The following RSF1 variants were observed in gnomAD, a reference collection of about 807,000 sequenced individuals.
RSF1 encodes remodeling and spacing factor 1.
RSF1 carries 13 observed loss-of-function variants against 145.2 expected under a neutral mutation model. The observed-to-expected ratio is 0.09, with a 90% confidence interval of 0.06 to 0.14. The LOEUF is 0.14. Among genes scored for constraint, RSF1 ranks in the 10% least tolerant of loss-of-function variants. RSF1 has a pLI of 1.00. For synonymous variants in RSF1, 577 were observed against 592.6 expected, an observed-to-expected ratio of 0.97 and a Z score of 0.38; for missense variants, 1,517 against 1,718.2, an observed-to-expected ratio of 0.88 and a Z score of 2.07.
chr11:77,858,410 A>C, the RSF1 span, among the ~76,000 whole-genome samples: 1 of 147,890 alleles, frequency 6.8e-6, no homozygotes, highest in Non-Finnish European at 1.5e-5. Context: ...TGCCGGCTCG[A>C]ATGCCTGCTG....
chr11:77,701,543 A>C lies in RSF1; in HGVS notation c.1686T>G (p.Cys562Trp). 6.8e-6 allele frequency: 11 copies of C among 1,614,070 alleles called. No individual in the cohort carries two copies. The highest frequency in any genetic ancestry group is 9.3e-6 in the Non-Finnish European group (11 of 1,179,992). ...GAGACTTCTCTTCACCTTTCATGGT[A>C]CACGACTCGGTGGAAGATAAAGCAG... ...SKTALSSTES[C>W]TMKGEEKSPK... The change falls in exon 6 of 16, where the codon TGT becomes TGG. Residue 562 changes from cysteine (C) to tryptophan (W), a missense_variant. Transcript: ENST00000308488.
chr11:77,730,413 CAT>C (rs1457283207), intron 4 of RSF1, among the ~76,000 whole-genome samples: 5 of 152,098 alleles, frequency 3.3e-5, no homozygotes, highest in African/African-American at 1.2e-4. Context: ...GTAAAATAAA[CAT>C]ATTTTAAGCA....
the RSF1 span, among the ~76,000 whole-genome samples, chr11:77,829,430 G>A: frequency 6.6e-6 from 1 of 152,218 alleles, no homozygotes; most frequent in Admixed American, 6.5e-5. Context: ...CAATGGAACA[G>A]AATGGAGACT....
the RSF1 span, among the ~76,000 whole-genome samples, chr11:77,836,764 G>A: frequency 1.3e-5 from 2 of 152,162 alleles, no homozygotes; most frequent in Non-Finnish European, 2.9e-5. Context: ...CTGGGAGTTC[G>A]AGACCAGCCT....
chr11:77,821,953 G>A (rs965408892), upstream of RSF1, among the ~76,000 whole-genome samples: 1 of 151,682 alleles, frequency 6.6e-6, no homozygotes, highest in African/African-American at 2.4e-5. Context: ...TACATCATAC[G>A]GTATTACTAG....
chr11:77,827,032 G>A, the RSF1 span, among the ~76,000 whole-genome samples: 753 of 152,214 alleles, frequency 4.9e-3, 4 homozygotes, highest in South Asian at 6.0e-3. Context: ...TTGAACCCAG[G>A]AGGCAGAGGT....
chr11:77,672,032 T>TA lies in RSF1; in HGVS notation c.3751+9dup, dbSNP rs777353129. On this transcript the variant is annotated intron_variant, in intron 15 of 15. Transcript: ENST00000308488. ...TCCAAACTTCTATATATAGGAGACCTATGCCTTACCTTCACTCTCTGAGCT... is the reference window on the plus strand; with the variant it reads ...TCCAAACTTCTATATATAGGAGACCTAATGCCTTACCTTCACTCTCTGAGCT... 6.2e-7 allele frequency: 1 copy of TA among 1,605,946 alleles called. No homozygotes were observed. The highest frequency in any genetic ancestry group is 8.5e-7 in the Non-Finnish European group (1 of 1,177,596).
intron 9 of RSF1, among the ~76,000 whole-genome samples, chr11:77,690,161 C>CAAAAAAAAAAAAA (rs112481534): frequency 2.3e-5 from 2 of 88,520 alleles, no homozygotes; most frequent in Admixed American, 1.1e-4. Context: ...GACTCCATCT[C>CAAAAAAAAAAAAA]AAAAAAAAAA....
intron 2 of RSF1, among the ~76,000 whole-genome samples, chr11:77,752,349 G>A (rs915509037): frequency 1.3e-5 from 2 of 152,134 alleles, no homozygotes; most frequent in Non-Finnish European, 2.9e-5. Context: ...AAGAAAGGGG[G>A]AACATGGCAC....
chr11:77,749,162 T>C (rs936246737), intron 2 of RSF1, among the ~76,000 whole-genome samples: 2 of 152,068 alleles, frequency 1.3e-5, no homozygotes, highest in Non-Finnish European at 2.9e-5. Flanking sequence ...AAGGAAGGAA[T>C]GGGAAGTGAC....
chr11:77,700,027 A>T (rs939085190), intron 6 of RSF1, among the ~76,000 whole-genome samples: 6 of 152,150 alleles, frequency 3.9e-5, no homozygotes, highest in Non-Finnish European at 7.4e-5. Context: ...TAAATAAGTA[A>T]ATATTTATGA....
chr11:77,844,670 T>C, the RSF1 span, among the ~76,000 whole-genome samples: 1 of 152,194 alleles, frequency 6.6e-6, no homozygotes, highest in Admixed American at 6.5e-5. Flanking sequence ...CCAGATTTTG[T>C]TGAATACACG....
At chr11:77,676,485 G>A (rs370181631) in intron 13 of RSF1, among the ~76,000 whole-genome samples, 17 of 152,096 alleles carry the variant, frequency 1.1e-4, no homozygotes, top group Admixed American at 5.2e-4. Context: ...AACCCCTCAT[G>A]GACCTGGCAG....
chr11:77,758,852 T>C (rs1948141947), intron 2 of RSF1, among the ~76,000 whole-genome samples: 1 of 148,426 alleles, frequency 6.7e-6, no homozygotes, highest in Non-Finnish European at 1.5e-5. Context: ...TTATATGATT[T>C]GCAATACGTG....
intron 1 of RSF1, chr11:77,813,291 T>G: frequency 2.8e-6 from 2 of 722,938 alleles, no homozygotes; most frequent in East Asian, 5.0e-5. Flanking sequence ...TTTTAACAAC[T>G]GGTAATCAAT....
At chr11:77,709,515 T>C (rs1045164980) in intron 5 of RSF1, among the ~76,000 whole-genome samples, 1 of 152,196 alleles carries the variant, frequency 6.6e-6, no homozygotes, top group African/African-American at 2.4e-5. Flanking sequence ...AACTGAAGTT[T>C]TGTTTGCCAA....
upstream of RSF1, chr11:77,821,210 G>C (rs1260913459): frequency 3.3e-6 from 1 of 301,402 alleles, no homozygotes; most frequent in African/African-American, 2.1e-5. Flanking sequence ...TGCGCCGTTT[G>C]GGAACGCAAC....
At chr11:77,678,280 C>A in intron 11 of RSF1, 127 bp from the exon 12 acceptor site, 17 of 451,198 alleles carry the variant, frequency 3.8e-5, no homozygotes, top group Non-Finnish European at 6.1e-5. Flanking sequence ...GCAGTGGCGC[C>A]ATCTCGGCTC....
the RSF1 span, among the ~76,000 whole-genome samples, chr11:77,864,347 G>A: frequency 1.7e-4 from 26 of 151,768 alleles, no homozygotes; most frequent in African/African-American, 6.3e-4. Context: ...GCTGAGGCAG[G>A]GAGAATCGCT....
Sources: gnomAD v4.1 joint callset for allele counts (sites outside exome capture counted in the v4.1 genomes callset) on GRCh38, gnomAD v4.1.1 for gene constraint, MANE v1.5 for transcripts, NCBI Gene and HGNC (gene_info 2026-07-23, HGNC 2026-07-21) for gene names.